Variants in PCDHGA11 observed in about 807,000 individuals in gnomAD.
PCDHGA11 encodes protocadherin gamma subfamily A, 11, also known as protocadherin gamma-A11.
PCDHGA11 carries 39 observed loss-of-function variants against 60.4 expected under a neutral mutation model. That is an observed-to-expected ratio of 0.65 (90% CI 0.50 to 0.84). PCDHGA11 has a LOEUF of 0.84. Ranked by LOEUF, PCDHGA11 falls within the 40% of genes least tolerant of loss-of-function variation. PCDHGA11 has a pLI of 0.00. For missense variants in PCDHGA11, 1,165 were observed against 1,197.7 expected (o/e 0.97, Z 0.40); for synonymous variants, 533 against 510.3 (o/e 1.04, Z -0.60).
intron 1 of PCDHGA11, among the ~76,000 whole-genome samples, chr5:141,467,332 C>T (rs985838492): frequency 6.6e-6 from 1 of 152,124 alleles, no homozygotes; most frequent in Non-Finnish European, 1.5e-5. Context: ...GGATTAGAGA[C>T]GTAAGCCACT....
rs1293684074 is a variant in PCDHGA11 at position 141,512,899 on chromosome 5, C to T, written c.*1726C>T. On this transcript the variant is annotated 3_prime_UTR_variant, in exon 4 of 4. Transcript: ENST00000398587. ...CCCACCCCACCCTCTTCCTGTGTCT[C>T]ACGCAAGTTTTATACTCTAATATTT... 1 of 152,260 alleles carries T rather than the reference C, an allele frequency of 6.6e-6. No homozygotes were observed. Among genetic ancestry groups the T allele is most frequent in the Non-Finnish European group, 1.5e-5 (1 of 68,064 alleles). 9.4% of individuals were successfully genotyped at this position (152,260 alleles called of 1,614,324 possible). A position where few individuals can be genotyped will look rare whatever the true frequency, so the allele number is the denominator to read the frequency against.
At chr5:141,424,746 T>TTA (rs1392854638) in intron 1 of PCDHGA11, 1 of 152,214 alleles carries the variant, frequency 6.6e-6, no homozygotes, top group Non-Finnish European at 1.5e-5. Flanking sequence ...CTTTCTTTCT[T>TTA]TATAAGGTCA....
Position 141,487,390 on chromosome 5 carries a change from G to A in PCDHGA11, c.2434-7417G>A, listed in dbSNP as rs769886634. On this transcript the variant is annotated intron_variant, in intron 1 of 3. Coordinates refer to ENST00000398587, the MANE Select transcript of PCDHGA11 (RefSeq NM_018914.3). The surrounding 1 kb of genome is among the most constrained non-coding windows in gnomAD (Gnocchi z 5.0). The stretch of plus-strand genomic sequence containing the variant: ...GTGCCTGTCTCACCAGATCTCGAAG[G>A]AGGGAGGGGCTTCCCCCTTCCAATG... 1.2e-6 allele frequency: 2 copies of A among 1,614,182 alleles called. No homozygotes were observed. The highest frequency in any genetic ancestry group is 1.3e-5 in the African/African-American group (1 of 75,070).
chr5:141,464,913 A>AT (rs1366203949), intron 1 of PCDHGA11, among the ~76,000 whole-genome samples: 2 of 151,546 alleles, frequency 1.3e-5, no homozygotes, highest in South Asian at 4.2e-4. Flanking sequence ...TAATTTTTTT[A>AT]TTTTTTTGTA....
Position 141,477,012 on chromosome 5 carries a change from T to C in PCDHGA11, c.2434-17795T>C. The C allele has an allele frequency of 6.2e-7, 1 of 1,614,186 alleles. No homozygotes were observed. Among genetic ancestry groups the C allele is most frequent in the Non-Finnish European group, 8.5e-7 (1 of 1,180,026 alleles). On this transcript the variant is annotated intron_variant, in intron 1 of 3. Coordinates refer to ENST00000398587, the MANE Select transcript of PCDHGA11 (RefSeq NM_018914.3). The surrounding 1 kb of genome is among the most constrained non-coding windows in gnomAD (Gnocchi z 4.9). The stretch of plus-strand genomic sequence containing the variant: ...GTGCGGCAACTATTCGCCTTAGACC[T>C]TGTAACCGGGATGCTGACAATCAAG...
At chr5:141,450,506 G>A (rs2098682958) in intron 1 of PCDHGA11, among the ~76,000 whole-genome samples, 2 of 151,914 alleles carry the variant, frequency 1.3e-5, no homozygotes, top group Admixed American at 6.6e-5. Context: ...TTTGTTTTGA[G>A]ATGGAGTCTC....
chr5:141,475,984 G>C (rs1282216343), intron 1 of PCDHGA11: 1 of 1,069,308 alleles, frequency 9.4e-7, no homozygotes, highest in Non-Finnish European at 1.3e-6. Flanking sequence ...AACAGCCGGC[G>C]AGCAAATCAA....
intron 1 of PCDHGA11, among the ~76,000 whole-genome samples, chr5:141,436,998 A>T (rs985067199): frequency 6.6e-6 from 1 of 152,242 alleles, no homozygotes; most frequent in African/African-American, 2.4e-5. Context: ...GTTTACTTCA[A>T]TGGGATCTTA....
chr5:141,453,318 AG>A (rs1299190594), intron 1 of PCDHGA11, among the ~76,000 whole-genome samples: 2 of 151,458 alleles, frequency 1.3e-5, no homozygotes, highest in Non-Finnish European at 2.9e-5. Context: ...TTTATTTTAG[AG>A]ATGGGGTCTC....
At chr5:141,495,274 G>A (rs1396412578) in intron 2 of PCDHGA11, among the ~76,000 whole-genome samples, 1 of 152,190 alleles carries the variant, frequency 6.6e-6, no homozygotes, top group Non-Finnish European at 1.5e-5. Context: ...TTGACCGGAG[G>A]AGGCGGTCCG....
At position 141,421,829 on chromosome 5, in the gene PCDHGA11, T is replaced by C; in HGVS notation, c.602T>C (p.Leu201Pro). The change falls in exon 1 of 4, where the codon CTG (leucine) becomes CCG (proline). Residue 201 changes from leucine (L) to proline (P), a missense_variant. Coordinates refer to ENST00000398587, the MANE Select transcript of PCDHGA11 (RefSeq NM_018914.3). ...CCAGAGCTAGTACTGGAGGGAAGCC[T>C]GGACCGAGAGAAAGAGGCTGCTCAC... ...KNPELVLEGSLDREKEAAHLL... is the reference protein window; with the variant it reads ...KNPELVLEGSPDREKEAAHLL... 6.2e-7 allele frequency: 1 copy of C among 1,613,784 alleles called. No individual in the cohort carries two copies. The highest frequency in any genetic ancestry group is 8.5e-7 in the Non-Finnish European group (1 of 1,179,888).
chr5:141,427,705 C>T (rs2097059995), intron 1 of PCDHGA11: 1 of 983,052 alleles, frequency 1.0e-6, no homozygotes, highest in African/African-American at 1.6e-5. Flanking sequence ...CAAGTCAGCG[C>T]CTCTGACCTG....
chr5:141,463,424 CT>C (rs2099058999), intron 1 of PCDHGA11, among the ~76,000 whole-genome samples: 1 of 148,698 alleles, frequency 6.7e-6, no homozygotes, highest in Non-Finnish European at 1.5e-5. Flanking sequence ...TTTGCGGATC[CT>C]CATTTCCTTC....
At chr5:141,446,098 A>G (rs375135134) in intron 1 of PCDHGA11, among the ~76,000 whole-genome samples, 2 of 152,350 alleles carry the variant, frequency 1.3e-5, no homozygotes, top group African/African-American at 4.8e-5. Flanking sequence ...TGGATGAATT[A>G]TAGATATATT....
chr5:141,427,931 G>T (rs1381637805), intron 1 of PCDHGA11: 3 of 1,583,646 alleles, frequency 1.9e-6, no homozygotes, highest in Non-Finnish European at 2.6e-6. Flanking sequence ...GGCGCATGTT[G>T]GTGGGCGACC....
At position 141,423,195 on chromosome 5, in the gene PCDHGA11, G is replaced by A; in HGVS notation, c.1968G>A (p.Ser656=). Residue 656 remains serine, a synonymous_variant, in exon 1 of 4, where the codon TCG becomes TCA. Transcript: ENST00000398587. ...AVQDHGQPPL[S]ATVTLTVAVA... ...AGGACCACGGCCAGCCCCCTCTCTC[G>A]GCCACCGTCACGCTCACCGTGGCTG... 2 of 1,613,544 alleles carry A rather than the reference G, an allele frequency of 1.2e-6. No individual in the cohort carries two copies. The highest frequency in any genetic ancestry group is 8.5e-7 in the Non-Finnish European group (1 of 1,179,964).
chr5:141,428,436 A>G (rs922762798), intron 1 of PCDHGA11: 5 of 401,736 alleles, frequency 1.2e-5, no homozygotes, highest in Non-Finnish European at 2.3e-5. Flanking sequence ...CTAAGACTAG[A>G]CCAGGGGTTT....
At chr5:141,467,846 A>G (rs984687278) in intron 1 of PCDHGA11, among the ~76,000 whole-genome samples, 2 of 151,926 alleles carry the variant, frequency 1.3e-5, no homozygotes, top group Non-Finnish European at 2.9e-5. Context: ...TTTTTGTAGA[A>G]TGAGATTTCA....
chr5:141,445,341 A>G (rs1165606147), intron 1 of PCDHGA11, among the ~76,000 whole-genome samples: 2 of 152,218 alleles, frequency 1.3e-5, no homozygotes, highest in African/African-American at 4.8e-5. Context: ...AACAGTAAAC[A>G]TTGGTGTCTG....
Sources: gnomAD v4.1 joint callset for allele counts (sites outside exome capture counted in the v4.1 genomes callset) on GRCh38, gnomAD v4.1.1 for gene constraint, Gnocchi (gnomAD v3.1) non-coding constraint, MANE v1.5 for transcripts, NCBI Gene and HGNC (gene_info 2026-07-23, HGNC 2026-07-21) for gene names.